Variants in NRG3 observed in about 807,000 individuals in gnomAD.
NRG3 encodes neuregulin 3, also known as pro-neuregulin-3, membrane-bound isoform.
NRG3 carries 31 observed loss-of-function variants against 66.9 expected under a neutral mutation model. The ratio of observed to expected loss-of-function variants is 0.46; its 90% CI spans 0.35 to 0.63. NRG3 has a LOEUF of 0.63. Ranked by LOEUF, NRG3 falls within the 20% of genes least tolerant of loss-of-function variation. The pLI, the probability that NRG3 is intolerant of heterozygous loss-of-function variation, is 0.00. For missense variants in NRG3, 910 were observed against 878.9 expected, an observed-to-expected ratio of 1.04 and a Z score of -0.45; for synonymous variants, 393 against 359.4, an observed-to-expected ratio of 1.09 and a Z score of -1.06.
At chr10:82,625,466 T>G (rs552348938) in intron 2 of NRG3, among the ~76,000 whole-genome samples, 1 of 152,310 alleles carries the variant, frequency 6.6e-6, no homozygotes, top group East Asian at 1.9e-4. Flanking sequence ...GACAAGTGGT[T>G]AAAACTATTT....
At chr10:82,446,404 G>C (rs371816651) in intron 2 of NRG3, among the ~76,000 whole-genome samples, 9 of 152,230 alleles carry the variant, frequency 5.9e-5, no homozygotes, top group African/African-American at 1.4e-4. Flanking sequence ...ATCAATGATA[G>C]ACTGGATAAA....
chr10:82,867,859 C>T (rs1840910226), intron 4 of NRG3, among the ~76,000 whole-genome samples: 1 of 152,080 alleles, frequency 6.6e-6, no homozygotes, highest in South Asian at 2.1e-4. Flanking sequence ...GAGAAGGGCA[C>T]ACAATTTGTA....
At chr10:81,877,846 TAGA>T in intron 1 of NRG3, 1 of 1,476,306 alleles carries the variant, frequency 6.8e-7, no homozygotes, top group Non-Finnish European at 8.9e-7. Flanking sequence ...TTGTGTTTTG[TAGA>T]AGGATAAAGG....
At chr10:82,806,298 G>A (rs2061279920) in intron 3 of NRG3, among the ~76,000 whole-genome samples, 1 of 152,174 alleles carries the variant, frequency 6.6e-6, no homozygotes, top group African/African-American at 2.4e-5. Context: ...ATTGAGGCCT[G>A]AAATTATGCC....
intron 2 of NRG3, among the ~76,000 whole-genome samples, chr10:82,487,955 C>T (rs1842819023): frequency 6.6e-6 from 1 of 152,102 alleles, no homozygotes. Flanking sequence ...AGACAATTCT[C>T]AAGATTTTCA....
At chr10:81,975,770 A>G (rs1271722683) in intron 1 of NRG3, among the ~76,000 whole-genome samples, 1 of 152,168 alleles carries the variant, frequency 6.6e-6, no homozygotes, top group Admixed American at 6.6e-5. Context: ...AAGATTTCAC[A>G]TGTATTTAAG....
chr10:82,513,632 T>C (rs1020915239), intron 2 of NRG3, among the ~76,000 whole-genome samples: 1 of 152,078 alleles, frequency 6.6e-6, no homozygotes, highest in African/African-American at 2.4e-5. Flanking sequence ...ACACAAAAAT[T>C]AGCTGGGTGT....
At chr10:82,964,139 G>A (rs1850956132) in intron 6 of NRG3, among the ~76,000 whole-genome samples, 1 of 152,096 alleles carries the variant, frequency 6.6e-6, no homozygotes, top group African/African-American at 2.4e-5. Flanking sequence ...AGCCTACTAA[G>A]TACCAGACAA....
chr10:82,425,446 A>G (rs1011850160), intron 2 of NRG3, among the ~76,000 whole-genome samples: 1 of 151,710 alleles, frequency 6.6e-6, no homozygotes, highest in Non-Finnish European at 1.5e-5. Context: ...TGCATTACCC[A>G]TCTGCTTTTG....
At chr10:82,725,406 T>G (rs957842368) in intron 2 of NRG3, among the ~76,000 whole-genome samples, 1 of 152,240 alleles carries the variant, frequency 6.6e-6, no homozygotes, top group Non-Finnish European at 1.5e-5. Flanking sequence ...AAATTCATAT[T>G]CTACCCTTGC....
intron 3 of NRG3, among the ~76,000 whole-genome samples, chr10:82,799,521 C>T (rs550536395): frequency 2.8e-5 from 3 of 109,044 alleles, no homozygotes; most frequent in South Asian, 5.9e-4. Flanking sequence ...AGCGAAATTC[C>T]GTCTCAAAAA....
chr10:82,365,249 C>T (rs907180565), intron 2 of NRG3, among the ~76,000 whole-genome samples: 1 of 152,132 alleles, frequency 6.6e-6, no homozygotes, highest in Non-Finnish European at 1.5e-5. Flanking sequence ...GCACACATCC[C>T]TGAATTCCAT....
chr10:82,831,616 A>C (rs181583069), intron 3 of NRG3, among the ~76,000 whole-genome samples: 16 of 152,150 alleles, frequency 1.1e-4, no homozygotes, highest in Admixed American at 1.0e-3. Context: ...GGAGTTCAAA[A>C]CCAGCCTGAC....
chr10:82,734,072 C>G (rs372605948), intron 2 of NRG3, among the ~76,000 whole-genome samples: 1 of 152,340 alleles, frequency 6.6e-6, no homozygotes, highest in Admixed American at 6.5e-5. Flanking sequence ...GTTGCTCAAT[C>G]TGCTTTACCA....
At chr10:82,218,836 C>T (rs1461283621) in intron 1 of NRG3, among the ~76,000 whole-genome samples, 1 of 151,960 alleles carries the variant, frequency 6.6e-6, no homozygotes, top group African/African-American at 2.4e-5. Context: ...CATTTGGATT[C>T]AAAGTAAGGG....
intron 1 of NRG3, among the ~76,000 whole-genome samples, chr10:82,081,686 A>T (rs1168110702): frequency 6.6e-6 from 1 of 152,192 alleles, no homozygotes; most frequent in African/African-American, 2.4e-5. Flanking sequence ...TCTCTGCTTT[A>T]TACAATCTAC....
At chr10:82,739,539 G>T (rs1399495841) in intron 3 of NRG3, among the ~76,000 whole-genome samples, 4 of 152,308 alleles carry the variant, frequency 2.6e-5, no homozygotes, top group African/African-American at 9.6e-5. Flanking sequence ...GCCTGTGTCT[G>T]TGCGTTTTGC....
chr10:82,386,325 A>G (rs528021335), intron 2 of NRG3, among the ~76,000 whole-genome samples: 1 of 152,128 alleles, frequency 6.6e-6, no homozygotes, highest in South Asian at 2.1e-4. Context: ...TTTTTTATGC[A>G]AGAAGATAAA....
At chr10:82,343,678 A>T (rs151120574) in intron 1 of NRG3, among the ~76,000 whole-genome samples, 176 of 152,258 alleles carry the variant, frequency 1.2e-3, no homozygotes, top group African/African-American at 4.1e-3. Flanking sequence ...AGTAGACCTG[A>T]TGTACAGCAG....
Sources: gnomAD v4.1 joint callset for allele counts (sites outside exome capture counted in the v4.1 genomes callset) on GRCh38, gnomAD v4.1.1 for gene constraint, MANE v1.5 for transcripts, NCBI Gene and HGNC (gene_info 2026-07-23, HGNC 2026-07-21) for gene names.